The following NAV2 variants were observed in gnomAD, a reference collection of about 807,000 sequenced individuals.
NAV2 encodes the protein neuron navigator 2.
NAV2 carries 54 observed loss-of-function variants against 223.2 expected under a neutral mutation model. The ratio of observed to expected loss-of-function variants is 0.24; its 90% CI spans 0.19 to 0.30. NAV2 has a LOEUF of 0.30. NAV2 is among the 10% of genes least tolerant of loss of function. The pLI is 1.00. For synonymous variants in NAV2, 1,279 were observed against 1,239.3 expected, an observed-to-expected ratio of 1.03 and a Z score of -0.67; for missense variants, 2,806 against 3,147.5, an observed-to-expected ratio of 0.89 and a Z score of 2.60.
chr11:20,095,599 C>CCTGAGTCCTCTGCTGAA lies in NAV2; in HGVS notation c.5917-65_5917-49dup, dbSNP rs2061199064. 5.6e-6 allele frequency: 6 copies of CCTGAGTCCTCTGCTGAA among 1,066,284 alleles called. No individual in the cohort carries two copies. In the Admixed American group the frequency reaches 1.0e-4, roughly 18 times the overall value. 66.1% of individuals were successfully genotyped at this position (1,066,284 alleles called of 1,614,324 possible). On this transcript the variant is annotated intron_variant, in intron 29 of 37. Transcript: ENST00000349880. ...AACCATTGGCGGAGTTCTAAGGCAA[C>CCTGAGTCCTCTGCTGAA]CTGAGTCCTCTGCTGAACTGAGTCA...
At chr11:19,812,438 A>G (rs997752479) in intron 1 of NAV2, among the ~76,000 whole-genome samples, 5 of 151,878 alleles carry the variant, frequency 3.3e-5, no homozygotes, top group Admixed American at 2.6e-4. Flanking sequence ...TTTTATTACC[A>G]TTTTGTCTCT....
At chr11:19,935,292 C>T (rs770066491) in intron 7 of NAV2, among the ~76,000 whole-genome samples, 10 of 152,220 alleles carry the variant, frequency 6.6e-5, no homozygotes, top group Admixed American at 2.6e-4. Context: ...ATTCTAGACA[C>T]GTATTTTACA....
At chr11:19,874,787 A>T (rs570980530) in intron 4 of NAV2, among the ~76,000 whole-genome samples, 1 of 152,362 alleles carries the variant, frequency 6.6e-6, no homozygotes, top group East Asian at 1.9e-4. Context: ...AATATGGTGT[A>T]TCTATATGAT....
chr11:20,013,487 T>C (rs373536647), intron 11 of NAV2, among the ~76,000 whole-genome samples: 39 of 139,384 alleles, frequency 2.8e-4, no homozygotes, highest in African/African-American at 9.8e-4. Context: ...TTTTTTTTTT[T>C]CCTTTCATTG....
intron 6 of NAV2, among the ~76,000 whole-genome samples, chr11:19,923,725 A>G (rs1181124997): frequency 1.3e-5 from 2 of 152,240 alleles, no homozygotes; most frequent in African/African-American, 4.8e-5. Flanking sequence ...TGCCCCCTGT[A>G]AAGTGTGTAT....
chr11:19,367,380 CCTGT>C (rs1848322292), intron 1 of NAV2, among the ~76,000 whole-genome samples: 1 of 152,154 alleles, frequency 6.6e-6, no homozygotes, highest in African/African-American at 2.4e-5. Context: ...AAGCTGTTTC[CCTGT>C]CTGTTTCCCC....
At chr11:19,704,105 C>T (rs1392393006) in intron 1 of NAV2, among the ~76,000 whole-genome samples, 1 of 152,024 alleles carries the variant, frequency 6.6e-6, no homozygotes, top group Non-Finnish European at 1.5e-5. Context: ...GAGTACTGGT[C>T]GAAGTTGTCT....
At chr11:19,627,988 A>G (rs1401952721) in intron 1 of NAV2, among the ~76,000 whole-genome samples, 1 of 152,166 alleles carries the variant, frequency 6.6e-6, no homozygotes, top group Non-Finnish European at 1.5e-5. Context: ...ACAAGGAGGC[A>G]TAAACAAATA....
rs1303012257 is a variant in NAV2, at chr11:19,608,060, A to G, written c.76-224424A>G. ...CCATTTTACAGCTGAAGAAAAAACAATAACAACCCTGGTTACCCATCAATA... is the reference window on the plus strand; with the variant it reads ...CCATTTTACAGCTGAAGAAAAAACAGTAACAACCCTGGTTACCCATCAATA... On this transcript the variant is annotated intron_variant, in intron 1 of 37. Transcript: ENST00000360655. Among the ~76,000 whole-genome samples, 4 of 152,312 alleles carry G rather than the reference A, an allele frequency of 2.6e-5. No homozygotes were observed. The East Asian group carries it at 5.8e-4, about 22-fold the overall frequency.
intron 1 of NAV2, among the ~76,000 whole-genome samples, chr11:19,591,918 T>C (rs1052615690): frequency 5.3e-5 from 8 of 152,170 alleles, no homozygotes; most frequent in African/African-American, 1.4e-4. Context: ...ACTTTAGACA[T>C]TGGCCATTCA....
At chr11:19,939,817 C>G (rs756317220) in intron 8 of NAV2, 44 bp downstream of exon 8, 4 of 1,429,258 alleles carry the variant, frequency 2.8e-6, no homozygotes, top group African/African-American at 1.4e-5. Context: ...GGTGATGAGG[C>G]CTTCCACGCA....
chr11:19,781,857 C>A (rs539046050), intron 1 of NAV2, among the ~76,000 whole-genome samples: 2 of 152,130 alleles, frequency 1.3e-5, no homozygotes, highest in Admixed American at 6.5e-5. Context: ...TCTATGCATA[C>A]ATTATGAAAT....
chr11:19,799,547 C>CGTTATAGT, intron 1 of NAV2, among the ~76,000 whole-genome samples: 1 of 112,160 alleles, frequency 8.9e-6, no homozygotes, highest in African/African-American at 3.5e-5. Flanking sequence ...CCAGGACGCC[C>CGTTATAGT]GTTATAGTGG....
chr11:19,537,492 C>T (rs978722502), intron 1 of NAV2, among the ~76,000 whole-genome samples: 5 of 152,158 alleles, frequency 3.3e-5, no homozygotes, highest in African/African-American at 1.2e-4. Flanking sequence ...TACCAAGACC[C>T]CTTTCTTTTC....
intron 1 of NAV2, among the ~76,000 whole-genome samples, chr11:19,812,249 C>A (rs971962790): frequency 1.3e-5 from 2 of 151,942 alleles, no homozygotes; most frequent in South Asian, 4.2e-4. Context: ...TCTGGGAGAA[C>A]CACCCCCTGA....
At position 19,983,134 on chromosome 11, in the gene NAV2, TCTC is replaced by T. The variant is rs146588418; in HGVS notation, c.2646-987_2646-985del. On this transcript the variant is annotated intron_variant, in intron 10 of 37. Coordinates refer to ENST00000349880, the MANE Select transcript of NAV2 (RefSeq NM_145117.5). ...CCCAAGTTTTGCTTTGCCTTCCTGTTCTCCTCTGAAGATGAGGGAAATGACAAA... is the reference window on the plus strand; with the variant it reads ...CCCAAGTTTTGCTTTGCCTTCCTGTTCTCTGAAGATGAGGGAAATGACAAA... Among the ~76,000 whole-genome samples the T allele has an allele frequency of 7.9e-3, 1,204 of 152,244 alleles. 12 individuals are homozygous for T. The highest frequency in any genetic ancestry group is 0.027 in the African/African-American group (1,136 of 41,536).
At chr11:19,821,261 CAAAAAAAAAA>C (rs60029840) in intron 1 of NAV2, among the ~76,000 whole-genome samples, 3 of 99,594 alleles carry the variant, frequency 3.0e-5, no homozygotes, top group Non-Finnish European at 6.1e-5. Flanking sequence ...GACTCTGTCT[CAAAAAAAAAA>C]AAAAAAAAAA....
intron 4 of NAV2, among the ~76,000 whole-genome samples, chr11:19,878,707 G>T (rs1002651302): frequency 2.6e-5 from 4 of 152,144 alleles, no homozygotes; most frequent in Non-Finnish European, 4.4e-5. Context: ...AAATCACACT[G>T]GGGGGAAGGC....
At chr11:20,106,769 A>AG (rs2062157024) in intron 35 of NAV2, among the ~76,000 whole-genome samples, 1 of 151,044 alleles carries the variant, frequency 6.6e-6, no homozygotes, top group Non-Finnish European at 1.5e-5. Context: ...TGGCCTCCCA[A>AG]GTAGCTGGGA....
Sources: allele counts gnomAD v4.1 joint callset (sites outside exome capture counted in the v4.1 genomes callset), GRCh38; gene constraint gnomAD v4.1.1; transcripts MANE v1.5; gene names NCBI Gene and HGNC (gene_info 2026-07-23, HGNC 2026-07-21).